The following PRDM16 variants were observed in gnomAD, a reference collection of about 807,000 sequenced individuals.
The protein encoded by PRDM16 is PR/SET domain 16.
A neutral mutation model predicts 110.6 loss-of-function variants in PRDM16; 23 were observed. The observed-to-expected ratio is 0.21, with a 90% CI of 0.15 to 0.29. The LOEUF (loss-of-function observed/expected upper bound fraction) is 0.29. PRDM16 is among the 10% of genes least tolerant of loss of function. PRDM16 has a pLI of 1.00. For missense variants in PRDM16, 1,615 were observed against 1,794.3 expected (o/e 0.90, Z 1.81); for synonymous variants, 799 against 781.8 (o/e 1.02, Z -0.37).
chr1:3,250,856 C>A (rs117324761), intron 3 of PRDM16, among the ~76,000 whole-genome samples: 290 of 152,222 alleles, frequency 1.9e-3, no homozygotes, highest in African/African-American at 6.6e-3. Flanking sequence ...GGGAAGCCTG[C>A]GAGGGTACAG....
chr1:3,311,217 A>G (rs947217041), intron 3 of PRDM16, among the ~76,000 whole-genome samples: 153 of 152,266 alleles, frequency 1.0e-3, no homozygotes, highest in African/African-American at 3.4e-3. Flanking sequence ...GCTCTCCTGC[A>G]GTGGCCGCGG....
intron 2 of PRDM16, among the ~76,000 whole-genome samples, chr1:3,224,183 C>G (rs888002071): frequency 3.9e-5 from 6 of 152,068 alleles, no homozygotes; most frequent in Non-Finnish European, 7.4e-5. Flanking sequence ...ACAGCAGGGC[C>G]GTGATGAATA....
At chr1:3,199,282 G>A (rs1393063) in intron 2 of PRDM16, among the ~76,000 whole-genome samples, 2 of 70,422 alleles carry the variant, frequency 2.8e-5, no homozygotes, top group Non-Finnish European at 4.2e-5. Context: ...CCAAAGAGCG[G>A]TGGGGGTCTC....
At chr1:3,352,063 C>G (rs75760211) in intron 3 of PRDM16, among the ~76,000 whole-genome samples, 2,549 of 152,286 alleles carry the variant, frequency 0.017, 67 homozygotes, top group African/African-American at 0.054. Context: ...ATGGGGAGCA[C>G]AGTGTGAATG....
intron 3 of PRDM16, among the ~76,000 whole-genome samples, chr1:3,269,790 C>CCCGGAGGAGGACAGTTGGGGGGACAG: frequency 6.9e-6 from 1 of 145,292 alleles, no homozygotes; most frequent in Non-Finnish European, 1.5e-5. Context: ...GGAGGAAAGT[C>CCCGGAGGAGGACAGTTGGGGGGACAG]TCAGAGGAGG....
intron 3 of PRDM16, among the ~76,000 whole-genome samples, chr1:3,324,089 T>C (rs906520029): frequency 6.6e-6 from 1 of 152,144 alleles, no homozygotes; most frequent in Non-Finnish European, 1.5e-5. Context: ...TCCTGGACAC[T>C]CCTGCCAGCC....
chr1:3,288,647 C>G (rs908462315), intron 3 of PRDM16, among the ~76,000 whole-genome samples: 1 of 152,182 alleles, frequency 6.6e-6, no homozygotes, highest in Admixed American at 6.5e-5. Flanking sequence ...GCCCCTCCCC[C>G]ACCACCCCAG....
chr1:3,240,855 C>A (rs777356084), intron 2 of PRDM16, among the ~76,000 whole-genome samples: 2 of 152,242 alleles, frequency 1.3e-5, no homozygotes, highest in Non-Finnish European at 2.9e-5. Context: ...TAAATCCTGG[C>A]GCTGGGACCC....
Position 3,382,231 on chromosome 1 carries a change from C to T in PRDM16, c.439-2921C>T, listed in dbSNP as rs934293281. On this transcript the variant is annotated intron_variant, in intron 3 of 16. Transcript: ENST00000270722. This position sits in a 1 kb window ranked among gnomAD's most constrained non-coding sequence, Gnocchi z 6.6. ...GCCTGCCTCCCTAGTGACAACCAGC[C>T]GCTTGTGGCCTCCTCCCTCCCATGC... 1.1e-4 allele frequency among the ~76,000 whole-genome samples: 17 copies of T among 152,208 alleles called. No individual in the cohort carries two copies. Among genetic ancestry groups the T allele is most frequent in the African/African-American group, 3.6e-4 (15 of 41,464 alleles).
chr1:3,218,242 G>A (rs1287537008), intron 2 of PRDM16, among the ~76,000 whole-genome samples: 1 of 152,204 alleles, frequency 6.6e-6, no homozygotes. Context: ...TCTCATGGGG[G>A]TCCCCCAAAG....
Position 3,401,368 on chromosome 1 carries a change from G to A in PRDM16, c.677-1423G>A, listed in dbSNP as rs920417205. Among the ~76,000 whole-genome samples the A allele has an allele frequency of 2.0e-5, 3 of 152,152 alleles. No individual in the cohort carries two copies. In the South Asian group the frequency reaches 6.2e-4, roughly 31 times the overall value. The stretch of plus-strand genomic sequence containing the variant: ...GCCTTTGAGTCAACGTTCAGACCAA[G>A]CTCATGAAGACTCTGCTCAATGCTG... On this transcript the variant is annotated intron_variant, in intron 5 of 16. Transcript: ENST00000270722.
intron 1 of PRDM16, among the ~76,000 whole-genome samples, chr1:3,090,352 C>T (rs1180043949): frequency 1.3e-5 from 2 of 152,374 alleles, no homozygotes; most frequent in South Asian, 4.1e-4. Flanking sequence ...GGCACTGGAG[C>T]TGGTCTCGTG....
At position 3,436,682 on chromosome 1, in the gene PRDM16, C is replaced by T. The variant is rs115667461; in HGVS notation, c.*2871C>T. 5.0e-3 allele frequency: 1,158 copies of T among 230,822 alleles called. 10 individuals carry two copies. Among genetic ancestry groups the T allele is most frequent in the African/African-American group, 0.023 (1,058 of 45,184 alleles). 14.3% of individuals were successfully genotyped at this position (230,822 alleles called of 1,614,324 possible). A position where few individuals can be genotyped will look rare whatever the true frequency, so the allele number is the denominator to read the frequency against. ...TGTTGGTGCCCAGAGATGACAAGGG[C>T]CAGGGAGCCTGGCCCGGGTGTGAGA... On this transcript the variant is annotated 3_prime_UTR_variant, in exon 17 of 17. Coordinates refer to ENST00000270722, the MANE Select transcript of PRDM16 (RefSeq NM_022114.4).
intron 3 of PRDM16, among the ~76,000 whole-genome samples, chr1:3,343,142 G>A (rs142656629): frequency 1.3e-5 from 2 of 150,724 alleles, no homozygotes; most frequent in East Asian, 1.9e-4. Context: ...CAGCTGCTCC[G>A]GTCCTCACCG....
intron 1 of PRDM16, among the ~76,000 whole-genome samples, chr1:3,100,106 G>A (rs1000231141): frequency 1.3e-5 from 2 of 152,128 alleles, no homozygotes; most frequent in Non-Finnish European, 1.5e-5. Flanking sequence ...ACAGGTGGCC[G>A]TCCCCTGGCA....
In PRDM16 at chr1:3,364,031, G is replaced by T. The variant is rs114140517; in HGVS notation, c.439-21121G>T. ...TCATGAGTTCCCTCATTTTGTCTGCGGGGGGGAAGTTCACATGCCTCCCCC... is the reference window on the plus strand; with the variant it reads ...TCATGAGTTCCCTCATTTTGTCTGCTGGGGGGAAGTTCACATGCCTCCCCC... On this transcript the variant is annotated intron_variant, in intron 3 of 16. Transcript: ENST00000270722. Among the ~76,000 whole-genome samples the T allele has an allele frequency of 9.1e-3, 1,387 of 151,778 alleles. 20 individuals carry two copies. The highest frequency in any genetic ancestry group is 0.06 in the South Asian group (286 of 4,770).
intron 1 of PRDM16, among the ~76,000 whole-genome samples, chr1:3,181,905 TAC>T (rs199515306): frequency 9.4e-6 from 1 of 106,134 alleles, no homozygotes; most frequent in Admixed American, 1.0e-4. Flanking sequence ...CACACGGTCT[TAC>T]ACACGCAGTC....
rs1276137609 is a variant in PRDM16, at chr1:3,290,587, C to T, written c.438+46450C>T. On this transcript the variant is annotated intron_variant, in intron 3 of 16. Coordinates refer to ENST00000270722, the MANE Select transcript of PRDM16 (RefSeq NM_022114.4). The surrounding 1 kb of genome is among the most constrained non-coding windows in gnomAD (Gnocchi z 4.8). ...GAGAGGTGGCATCACTGAAGAAGCC[C>T]CGTGGCTCCGGCTCCGTCTGCAGGA... Among the ~76,000 whole-genome samples the T allele has an allele frequency of 6.6e-6, 1 of 152,180 alleles. No individual in the cohort carries two copies. The highest frequency in any genetic ancestry group is 1.9e-4 in the East Asian group (1 of 5,188).
intron 3 of PRDM16, among the ~76,000 whole-genome samples, chr1:3,341,572 C>T (rs578246848): frequency 7.2e-5 from 11 of 152,332 alleles, no homozygotes; most frequent in South Asian, 4.1e-4. Flanking sequence ...CACACGCGTG[C>T]GCACACACAC....
Sources: allele counts gnomAD v4.1 joint callset (sites outside exome capture counted in the v4.1 genomes callset), GRCh38; gene constraint gnomAD v4.1.1; non-coding constraint Gnocchi (gnomAD v3.1); transcripts MANE v1.5; gene names NCBI Gene and HGNC (gene_info 2026-07-23, HGNC 2026-07-21).